CHN2: variants seen among roughly 807,000 people sequenced by gnomAD.
CHN2 encodes beta-chimaerin.
Under a neutral mutation model 56.3 loss-of-function variants are expected in CHN2, and 35 were observed. The ratio of observed to expected loss-of-function variants is 0.62; its 90% confidence interval spans 0.47 to 0.82. The LOEUF is 0.82. Ranked by LOEUF, CHN2 falls within the 40% of genes least tolerant of loss-of-function variation. The pLI is 0.00. For missense variants in CHN2, 491 were observed against 580.5 expected (o/e 0.85, Z 1.58); for synonymous variants, 210 against 212.8 (o/e 0.99, Z 0.12).
At chr7:29,351,163 G>T (rs1797854766) in intron 1 of CHN2, among the ~76,000 whole-genome samples, 1 of 147,056 alleles carries the variant, frequency 6.8e-6, no homozygotes, top group South Asian at 2.2e-4. Context: ...TAGATTATGA[G>T]ATAGGTACTT....
intron 1 of CHN2, among the ~76,000 whole-genome samples, chr7:29,204,285 C>T (rs370167388): frequency 2.0e-5 from 3 of 151,942 alleles, no homozygotes; most frequent in Admixed American, 6.5e-5. Context: ...AAATTTATAT[C>T]GTATATAAGT....
At chr7:29,350,508 AT>A (rs1378922681) in intron 1 of CHN2, among the ~76,000 whole-genome samples, 2 of 152,162 alleles carry the variant, frequency 1.3e-5, no homozygotes, top group African/African-American at 4.8e-5. Flanking sequence ...GGCCAAGGTA[AT>A]TATAGTTGTT....
chr7:29,459,130 G>A (rs1345027172), intron 6 of CHN2, among the ~76,000 whole-genome samples: 1 of 152,178 alleles, frequency 6.6e-6, no homozygotes, highest in Non-Finnish European at 1.5e-5. Flanking sequence ...AGTACACCTC[G>A]CCAGGAACGC....
At chr7:29,455,599 A>T (rs1263173678) in intron 6 of CHN2, among the ~76,000 whole-genome samples, 1 of 152,126 alleles carries the variant, frequency 6.6e-6, no homozygotes, top group African/African-American at 2.4e-5. Flanking sequence ...CCATTTTCAG[A>T]TATCCATCTT....
rs1390127841 is a variant in CHN2, at chr7:29,390,869, T to C, written c.145-2810T>C. Among the ~76,000 whole-genome samples the C allele has an allele frequency of 3.9e-5, 6 of 152,274 alleles. No individual in the cohort carries two copies. The East Asian group carries it at 1.2e-3, about 29-fold the overall frequency. On this transcript the variant is annotated intron_variant, in intron 3 of 12. Coordinates refer to ENST00000222792, the MANE Select transcript of CHN2 (RefSeq NM_004067.4). ...GCCCTAGCCCCCAGCCACCTATTCT[T>C]TCTGGATCTGAGGATCCAGTATTAT...
At chr7:29,378,275 T>C (rs575711939) in intron 3 of CHN2, among the ~76,000 whole-genome samples, 1 of 152,218 alleles carries the variant, frequency 6.6e-6, no homozygotes, top group Non-Finnish European at 1.5e-5. Context: ...TTAATGATTC[T>C]CTCCTCCCAG....
At chr7:29,484,767 C>T (rs1316521713) in intron 7 of CHN2, among the ~76,000 whole-genome samples, 1 of 152,186 alleles carries the variant, frequency 6.6e-6, no homozygotes, top group Non-Finnish European at 1.5e-5. Context: ...CTGTAATTGA[C>T]ATTTTCAGGA....
At chr7:29,344,111 T>C (rs1262904183) in intron 1 of CHN2, among the ~76,000 whole-genome samples, 1 of 152,220 alleles carries the variant, frequency 6.6e-6, no homozygotes. Flanking sequence ...TCAAGGCCTG[T>C]AGATTCTGTC....
intron 3 of CHN2, among the ~76,000 whole-genome samples, chr7:29,379,246 GT>G (rs1800307587): frequency 6.6e-6 from 1 of 152,160 alleles, no homozygotes; most frequent in Non-Finnish European, 1.5e-5. Flanking sequence ...CTTTCTGATG[GT>G]CACTTTCTCC....
chr7:29,501,115 C>A (rs1340127245), intron 9 of CHN2, among the ~76,000 whole-genome samples: 1 of 8,808 alleles, frequency 1.1e-4, no homozygotes, highest in Non-Finnish European at 1.7e-4. Flanking sequence ...TGGTCAACTA[C>A]CCCATTTTTC....
intron 1 of CHN2, among the ~76,000 whole-genome samples, chr7:29,296,017 T>G (rs1793125509): frequency 6.6e-6 from 1 of 152,090 alleles, no homozygotes; most frequent in Non-Finnish European, 1.5e-5. Flanking sequence ...TAAATATGTG[T>G]TGTAGCTGCG....
chr7:29,204,975 G>A (rs1784419083), intron 1 of CHN2, among the ~76,000 whole-genome samples: 1 of 152,222 alleles, frequency 6.6e-6, no homozygotes, highest in Non-Finnish European at 1.5e-5. Flanking sequence ...TCTGGGTTAA[G>A]AACATAGTAA....
intron 7 of CHN2, among the ~76,000 whole-genome samples, chr7:29,486,881 C>A (rs1585580928): frequency 6.6e-6 from 1 of 152,210 alleles, no homozygotes; most frequent in African/African-American, 2.4e-5. Flanking sequence ...GGATTTGAGG[C>A]TCCTTGATGA....
intron 1 of CHN2, among the ~76,000 whole-genome samples, chr7:29,337,687 C>T (rs1796729261): frequency 6.6e-6 from 1 of 152,094 alleles, no homozygotes; most frequent in Non-Finnish European, 1.5e-5. Context: ...GTGATAAATG[C>T]ATGCTAATGC....
At chr7:29,442,741 C>T (rs1360474727) in intron 6 of CHN2, among the ~76,000 whole-genome samples, 1 of 152,028 alleles carries the variant, frequency 6.6e-6, no homozygotes, top group Admixed American at 6.6e-5. Context: ...GGCATGTATC[C>T]ACAACCATTC....
At chr7:29,413,148 G>A (rs558867286) in intron 6 of CHN2, among the ~76,000 whole-genome samples, 5 of 152,212 alleles carry the variant, frequency 3.3e-5, no homozygotes, top group Middle Eastern at 3.4e-3. Flanking sequence ...TGAAGTTCCC[G>A]CAAAGTTAAT....
intron 2 of CHN2, among the ~76,000 whole-genome samples, chr7:29,182,271 G>A (rs1798156015): frequency 6.6e-6 from 1 of 152,198 alleles, no homozygotes; most frequent in Admixed American, 6.5e-5. Flanking sequence ...AAGGTTAGCA[G>A]TGGTGGAATC....
intron 6 of CHN2, among the ~76,000 whole-genome samples, chr7:29,453,199 G>A (rs911298429): frequency 3.9e-5 from 6 of 152,164 alleles, no homozygotes; most frequent in East Asian, 1.9e-4. Flanking sequence ...AGAAACTGAC[G>A]TCAGGGTCAG....
rs552645969 is a variant in CHN2, at chr7:29,456,620, C to G, written c.577-23659C>G. On this transcript the variant is annotated intron_variant, in intron 6 of 12. Transcript: ENST00000222792. The stretch of plus-strand genomic sequence containing the variant: ...CCCTGCCACCACCCGCCCCCTCCCC[C>G]CCACCACCACCACCAACACCCCTCT... Among the ~76,000 whole-genome samples the G allele has an allele frequency of 2.1e-4, 29 of 137,484 alleles. 1 individual carries two copies. The highest frequency in any genetic ancestry group is 5.4e-4 in the African/African-American group (20 of 36,764). The allele number at this position is 137,484 out of a possible 152,430, so 90.2% of individuals were successfully genotyped here.
Sources: allele counts gnomAD v4.1 joint callset (sites outside exome capture counted in the v4.1 genomes callset), GRCh38; gene constraint gnomAD v4.1.1; transcripts MANE v1.5; gene names NCBI Gene and HGNC (gene_info 2026-07-23, HGNC 2026-07-21).